ZBTB7C: variants seen among roughly 807,000 people sequenced by gnomAD.
ZBTB7C encodes the protein zinc finger and BTB domain-containing protein 7C.
Under a neutral mutation model 25.7 loss-of-function variants are expected in ZBTB7C, and 8 were observed. That is an observed-to-expected ratio of 0.31 (90% CI 0.18 to 0.56). The LOEUF (loss-of-function observed/expected upper bound fraction) is 0.56. Ranked by LOEUF, ZBTB7C falls within the 20% of genes least tolerant of loss-of-function variation. The probability of loss-of-function intolerance (pLI) is 0.91; values close to 1 mark genes in which losing one functional copy is unlikely to be tolerated. For missense variants in ZBTB7C, 824 were observed against 855.2 expected (o/e 0.96, Z 0.46); for synonymous variants, 394 against 369.0 (o/e 1.07, Z -0.78).
At chr18:48,325,465 G>C (rs997828334) in intron 2 of ZBTB7C, among the ~76,000 whole-genome samples, 1 of 152,098 alleles carries the variant, frequency 6.6e-6, no homozygotes, top group African/African-American at 2.4e-5. Context: ...CCTTTTTCAT[G>C]CACTAGCAAT....
intron 3 of ZBTB7C, among the ~76,000 whole-genome samples, chr18:48,045,609 T>TG (rs1271886635): frequency 6.6e-6 from 1 of 152,234 alleles, no homozygotes. Context: ...AGATTACAAC[T>TG]GATCTCGCAC....
intron 1 of ZBTB7C, among the ~76,000 whole-genome samples, chr18:48,345,722 G>T (rs2046714432): frequency 6.6e-6 from 1 of 152,250 alleles, no homozygotes; most frequent in South Asian, 2.1e-4. Flanking sequence ...CCCAGCCCCA[G>T]TCTGGCTGAT....
chr18:48,386,546 CA>C (rs2047753497), intron 1 of ZBTB7C, among the ~76,000 whole-genome samples: 1 of 152,206 alleles, frequency 6.6e-6, no homozygotes, highest in Non-Finnish European at 1.5e-5. Context: ...AACCACACAT[CA>C]GAGCCATTCT....
chr18:48,376,794 G>T (rs2047529221), intron 1 of ZBTB7C, among the ~76,000 whole-genome samples: 1 of 152,182 alleles, frequency 6.6e-6, no homozygotes, highest in African/African-American at 2.4e-5. Context: ...CTTGCTTCAG[G>T]GAAGAGAGCT....
intron 3 of ZBTB7C, among the ~76,000 whole-genome samples, chr18:48,057,684 A>C (rs1241327344): frequency 6.6e-6 from 1 of 152,238 alleles, no homozygotes; most frequent in Non-Finnish European, 1.5e-5. Flanking sequence ...TCCTTCTTTT[A>C]CAGACTTCTA....
chr18:48,082,675 A>G (rs1254404622), intron 3 of ZBTB7C, among the ~76,000 whole-genome samples: 4 of 151,930 alleles, frequency 2.6e-5, no homozygotes, highest in Non-Finnish European at 5.9e-5. Context: ...GCAGACTCTG[A>G]GTACCTCCCG....
chr18:48,392,439 G>A (rs558340304), intron 1 of ZBTB7C, among the ~76,000 whole-genome samples: 1 of 152,226 alleles, frequency 6.6e-6, no homozygotes, highest in Admixed American at 6.5e-5. Context: ...AGCTATGGCT[G>A]TGTTTCTCTG....
At chr18:48,397,888 C>A (rs2048065969) in intron 1 of ZBTB7C, among the ~76,000 whole-genome samples, 1 of 152,230 alleles carries the variant, frequency 6.6e-6, no homozygotes, top group Admixed American at 6.5e-5. Context: ...AAGACTCCAT[C>A]AGAATCCTAA....
intron 1 of ZBTB7C, among the ~76,000 whole-genome samples, chr18:48,363,101 C>T (rs754948805): frequency 5.3e-5 from 8 of 152,162 alleles, no homozygotes; most frequent in African/African-American, 7.2e-5. Flanking sequence ...AGTGTGGGAT[C>T]GAATGAATTA....
At chr18:48,296,196 C>A (rs941482324) in intron 2 of ZBTB7C, among the ~76,000 whole-genome samples, 17 of 152,206 alleles carry the variant, frequency 1.1e-4, no homozygotes, top group African/African-American at 3.6e-4. Flanking sequence ...CTGCTCAGGC[C>A]CCCTGGATGG....
intron 1 of ZBTB7C, among the ~76,000 whole-genome samples, chr18:48,339,226 A>G (rs11082671): frequency 0.57 from 86,280 of 152,134 alleles, 24,761 homozygotes; most frequent in East Asian, 0.79. Flanking sequence ...GGGGGTGAAA[A>G]GAGTAGGCTC....
chr18:48,242,004 G>A (rs574803900), intron 2 of ZBTB7C, among the ~76,000 whole-genome samples: 3 of 152,162 alleles, frequency 2.0e-5, no homozygotes, highest in Non-Finnish European at 2.9e-5. Flanking sequence ...AATTAGAAAC[G>A]AAACAGGAGA....
intron 3 of ZBTB7C, among the ~76,000 whole-genome samples, chr18:48,047,450 G>T (rs1028404785): frequency 6.7e-6 from 1 of 148,490 alleles, no homozygotes; most frequent in Non-Finnish European, 1.5e-5. Flanking sequence ...AAAAAAAATA[G>T]AGATGAAAAT....
chr18:48,404,736 CCATGGAGTACGGCAAATAAGATG>C (rs1291544393), intron 1 of ZBTB7C, among the ~76,000 whole-genome samples: 2 of 152,186 alleles, frequency 1.3e-5, no homozygotes, highest in Non-Finnish European at 2.9e-5. Flanking sequence ...CTTCACAGTG[CCATGGAGTACGGCAAATAAGATG>C]CATATCCAAC....
chr18:48,139,496 T>C (rs1333503349), intron 3 of ZBTB7C, among the ~76,000 whole-genome samples: 6 of 151,330 alleles, frequency 4.0e-5, no homozygotes, highest in Admixed American at 1.3e-4. Flanking sequence ...CTGGAAGGAG[T>C]GTCTGGGTAG....
intron 2 of ZBTB7C, among the ~76,000 whole-genome samples, chr18:48,274,818 C>CA (rs1269068128): frequency 6.6e-6 from 1 of 152,254 alleles, no homozygotes; most frequent in African/African-American, 2.4e-5. Context: ...GGCTGATCTG[C>CA]AGGCCAGGGC....
intron 2 of ZBTB7C, among the ~76,000 whole-genome samples, chr18:48,228,604 T>A (rs549786436): frequency 2.6e-5 from 4 of 152,046 alleles, no homozygotes; most frequent in Admixed American, 2.6e-4. Flanking sequence ...AGGGCAGTAG[T>A]CCTTGCCCAC....
rs182955335 is a variant in ZBTB7C, at chr18:48,222,398, C to T, written c.-78-36403G>A. On this transcript the variant is annotated intron_variant, in intron 2 of 4. Transcript: ENST00000590800. ...ATGCCTGCCCATTGAGCAACTGTGG[C>T]CAAGGAGAGGAGAGTGTGGGAGGAA... is the stretch of plus-strand genomic sequence containing the variant. Among the ~76,000 whole-genome samples the T allele has an allele frequency of 1.7e-4, 26 of 152,304 alleles. 3 individuals are homozygous for T. The highest frequency in any genetic ancestry group is 6.3e-4 in the African/African-American group (26 of 41,564).
chr18:48,081,692 G>A (rs2037991502), intron 3 of ZBTB7C, among the ~76,000 whole-genome samples: 1 of 152,058 alleles, frequency 6.6e-6, no homozygotes, highest in Non-Finnish European at 1.5e-5. Context: ...CAGGGGTCCA[G>A]CATCAAATTA....
Sources: gnomAD v4.1 joint callset for allele counts (sites outside exome capture counted in the v4.1 genomes callset) on GRCh38, gnomAD v4.1.1 for gene constraint, MANE v1.5 for transcripts, NCBI Gene and HGNC (gene_info 2026-07-23, HGNC 2026-07-21) for gene names.